The following PCDHB1 variants were observed in gnomAD, a reference collection of about 807,000 sequenced individuals.
The protein encoded by PCDHB1 is protocadherin beta 1, also known as protocadherin beta-1.
In PCDHB1, 44 loss-of-function variants were observed where a neutral mutation model predicts 43.5. That is an observed-to-expected ratio of 1.01 (90% CI 0.79 to 1.30). The LOEUF is 1.30. PCDHB1 is among the 50% of genes most tolerant of loss of function. The pLI is 0.00. For synonymous variants in PCDHB1, 392 were observed against 400.8 expected, an observed-to-expected ratio of 0.98 and a Z score of 0.26; for missense variants, 919 against 1,008.9, an observed-to-expected ratio of 0.91 and a Z score of 1.21.
At position 141,053,801 on chromosome 5, in the gene PCDHB1, CT is replaced by C. The variant is rs782300615; in HGVS notation, c.2333del (p.Phe778SerfsTer10). ...FRFLKRFMPN[F>X]PFPHATGEIK... ...GCTTTCTTAAGCGTTTTATGCCCAA[CT>C]TCCCTTTCCCTCATGCCACTGGGGA... is the stretch of plus-strand genomic sequence containing the variant. On this transcript the variant is annotated frameshift_variant, in exon 1 of 1. Coordinates refer to ENST00000306549, the MANE Select transcript of PCDHB1 (RefSeq NM_013340.4). LOFTEE classifies it high-confidence loss of function. 1 of 1,614,060 alleles carries C rather than the reference CT, an allele frequency of 6.2e-7. No individual in the cohort carries two copies. The highest frequency in any genetic ancestry group is 8.5e-7 in the Non-Finnish European group (1 of 1,180,020).
At position 141,051,623 on chromosome 5, in the gene PCDHB1, C is replaced by A; in HGVS notation, c.153C>A (p.Asp51Glu). ...CGTTTGTGGCCAACGTAGCTAAGGA[C>A]CTAGGACTGGAGGTAGGGAAGCTGG... Reference protein sequence around the residue: ...SGSFVANVAKDLGLEVGKLAA... With the variant: ...SGSFVANVAKELGLEVGKLAA... Residue 51 changes from aspartate to glutamate, a missense_variant, in exon 1 of 1, where the codon GAC becomes GAA. By Grantham distance (45) the Asp-to-Glu change is conservative. Transcript: ENST00000306549. 2 of 1,614,200 alleles carry A rather than the reference C, an allele frequency of 1.2e-6. No individual in the cohort carries two copies. Among genetic ancestry groups the A allele is most frequent in the Middle Eastern group, 1.6e-4 (1 of 6,062 alleles).
At position 141,053,561 on chromosome 5, in the gene PCDHB1, C is replaced by A; in HGVS notation, c.2091C>A (p.Ile697=). 1 of 1,614,098 alleles carries A rather than the reference C, an allele frequency of 6.2e-7. No homozygotes were observed. The highest frequency in any genetic ancestry group is 8.5e-7 in the Non-Finnish European group (1 of 1,179,982). Reference sequence around the variant, plus strand: ...AATATTTGGTCATTTCTCTGGTCATCCTTTCCTTTCTCTTTCTCCTCTCTG... The same window carrying A: ...AATATTTGGTCATTTCTCTGGTCATACTTTCCTTTCTCTTTCTCCTCTCTG... ...STKYLVISLV[I]LSFLFLLSVI... Residue 697 remains isoleucine (I), a synonymous_variant, in exon 1 of 1, where the codon ATC becomes ATA. Transcript: ENST00000306549.
Position 141,053,580 on chromosome 5 carries a change from C to G in PCDHB1, c.2110C>G (p.Leu704Val). The G allele has an allele frequency of 6.2e-7, 1 of 1,613,880 alleles. No homozygotes were observed. Among genetic ancestry groups the G allele is most frequent in the Non-Finnish European group, 8.5e-7 (1 of 1,179,808 alleles). The part of the protein sequence containing the change: ...SLVILSFLFL[L>V]SVIVIFIIHV... ...GGTCATCCTTTCCTTTCTCTTTCTC[C>G]TCTCTGTCATAGTGATCTTCATTAT... is the stretch of plus-strand genomic sequence containing the variant. Residue 704 changes from leucine (L) to valine (V), a missense_variant, in exon 1 of 1, where the codon CTC becomes GTC. Leu to Val is a conservative substitution (Grantham distance 32, BLOSUM62 1). Transcript: ENST00000306549.
rs1751011147 is a variant in PCDHB1, at chr5:141,052,488, G to A, written c.1018G>A (p.Val340Met). 1.2e-6 allele frequency: 2 copies of A among 1,614,194 alleles called. No individual in the cohort carries two copies. The highest frequency in any genetic ancestry group is 1.7e-6 in the Non-Finnish European group (2 of 1,180,024). ...HSKVLVEVVD[V>M]NDNPPEVMVS... The stretch of plus-strand genomic sequence containing the variant: ...CAAAGTCCTGGTAGAAGTGGTGGAT[G>A]TGAATGACAATCCTCCCGAAGTGAT... Residue 340 changes from valine to methionine, a missense_variant, in exon 1 of 1, where the codon GTG becomes ATG. Val to Met is a conservative substitution (Grantham distance 21, BLOSUM62 1). Transcript: ENST00000306549.
chr5:141,052,636 A>T lies in PCDHB1; in HGVS notation c.1166A>T (p.Asp389Val), dbSNP rs1554267279. Residue 389 changes from aspartate to valine, a missense_variant, in exon 1 of 1, where the codon GAC (aspartate) becomes GTC (valine). Physicochemically the swap from Asp to Val is radical, Grantham distance 152 (BLOSUM62 -3). Coordinates refer to ENST00000306549, the MANE Select transcript of PCDHB1 (RefSeq NM_013340.4). ...AAAGTCACCTGCTTCCTCAGAGAAG[A>T]CCTTCCCTTTGTAATCAAACCTACA... ...GGKVTCFLREDLPFVIKPTFG... is the reference protein window; with the variant it reads ...GGKVTCFLREVLPFVIKPTFG... 1.2e-6 allele frequency: 2 copies of T among 1,614,114 alleles called. No homozygotes were observed. The highest frequency in any genetic ancestry group is 3.3e-5 in the Admixed American group (2 of 60,016).
rs1205668406 is a variant in PCDHB1 at position 141,051,607 on chromosome 5, C to A, written c.137C>A (p.Ala46Asp). The change falls in exon 1 of 1, where the codon GCC (alanine) becomes GAC (aspartate). Residue 46 changes from alanine (A) to aspartate (D), a missense_variant. Ala to Asp is a moderately radical substitution (Grantham distance 126, BLOSUM62 -2). Transcript: ENST00000306549. Reference sequence around the variant, plus strand: ...GAAATGGAGAGCGGCTCGTTTGTGGCCAACGTAGCTAAGGACCTAGGACTG... The same window carrying A: ...GAAATGGAGAGCGGCTCGTTTGTGGACAACGTAGCTAAGGACCTAGGACTG... ...AEEMESGSFV[A>D]NVAKDLGLEV... The A allele has an allele frequency of 6.2e-7, 1 of 1,614,100 alleles. No homozygotes were observed. The highest frequency in any genetic ancestry group is 1.3e-5 in the African/African-American group (1 of 74,944).
In PCDHB1 at chr5:141,051,759, G is replaced by T; in HGVS notation, c.289G>T (p.Gly97Cys). 6.2e-7 allele frequency: 1 copy of T among 1,614,254 alleles called. No homozygotes were observed. The highest frequency in any genetic ancestry group is 8.5e-7 in the Non-Finnish European group (1 of 1,180,048). ...GAAACTGGATCGGGAGTCACTTTGTGGCAAAGCCGACCCTTGTGTTCTGCA... is the reference window on the plus strand; with the variant it reads ...GAAACTGGATCGGGAGTCACTTTGTTGCAAAGCCGACCCTTGTGTTCTGCA... ...KEKLDRESLC[G>C]KADPCVLHFE... Residue 97 changes from glycine (G) to cysteine (C), a missense_variant, in exon 1 of 1, where the codon GGC (glycine) becomes TGC (cysteine). Coordinates refer to ENST00000306549, the MANE Select transcript of PCDHB1 (RefSeq NM_013340.4).
Position 141,056,611 on chromosome 5 carries a change from A to G in PCDHB1, c.*2684A>G, listed in dbSNP as rs1554267844. ...AAGGAGATAGAATTTTTATTTATTTATTTATTTTTTGGAGACAAAGTCTTG... is the reference window on the plus strand; with the variant it reads ...AAGGAGATAGAATTTTTATTTATTTGTTTATTTTTTGGAGACAAAGTCTTG... On this transcript the variant is annotated 3_prime_UTR_variant, in exon 1 of 1. Transcript: ENST00000306549. 6.6e-6 allele frequency: 1 copy of G among 151,932 alleles called. No homozygotes were observed. Among genetic ancestry groups the G allele is most frequent in the African/African-American group, 2.4e-5 (1 of 41,354 alleles). The allele number at this position is 151,932 out of a possible 1,614,324, so 9.4% of individuals were successfully genotyped here. A position where few individuals can be genotyped will look rare whatever the true frequency, so the allele number is the denominator to read the frequency against.
rs1317931933 is a variant in PCDHB1, at chr5:141,055,558, T to C, written c.*1631T>C. ...TTATTGTAAACCATTTTGTAGTTTG[T>C]AGAGCAAATATAAAATAAAAAGACA... On this transcript the variant is annotated 3_prime_UTR_variant, in exon 1 of 1. Coordinates refer to ENST00000306549, the MANE Select transcript of PCDHB1 (RefSeq NM_013340.4). 1 of 152,260 alleles carries C rather than the reference T, an allele frequency of 6.6e-6. No individual in the cohort carries two copies. Among genetic ancestry groups the C allele is most frequent in the Non-Finnish European group, 1.5e-5 (1 of 68,040 alleles). 9.4% of individuals were successfully genotyped at this position (152,260 alleles called of 1,614,324 possible).
Position 141,052,953 on chromosome 5 carries a change from A to G in PCDHB1, c.1483A>G (p.Lys495Glu), listed in dbSNP as rs139444803. Residue 495 changes from lysine (K) to glutamate (E), a missense_variant, in exon 1 of 1, where the codon AAA (lysine) becomes GAA (glutamate). Transcript: ENST00000306549. ...AATAACATATTCTCTGTTGCCTCCA[A>G]AAAACGGAGATCTTTCAGTCTTTGC... is the stretch of plus-strand genomic sequence containing the variant. ...AQITYSLLPP[K>E]NGDLSVFAYI... The G allele has an allele frequency of 3.1e-4, 494 of 1,614,184 alleles. No homozygotes were observed. The highest frequency in any genetic ancestry group is 4.0e-4 in the Non-Finnish European group (475 of 1,180,022).
Position 141,052,437 on chromosome 5 carries a change from G to A in PCDHB1, c.967G>A (p.Asp323Asn), listed in dbSNP as rs781938927. ...ATACGACATTGACATTCAAGCTACAGATGGTGGAGGCCTCTCTGCCCACAG... is the reference window on the plus strand; with the variant it reads ...ATACGACATTGACATTCAAGCTACAAATGGTGGAGGCCTCTCTGCCCACAG... ...ETYDIDIQAT[D>N]GGGLSAHSKV... The change falls in exon 1 of 1, where the codon GAT (aspartate) becomes AAT (asparagine). Residue 323 changes from aspartate (D) to asparagine (N), a missense_variant. Asp to Asn is a conservative substitution (Grantham distance 23). Transcript: ENST00000306549. 1.5e-5 allele frequency: 25 copies of A among 1,614,122 alleles called. No individual in the cohort carries two copies. In the South Asian group the frequency reaches 2.2e-4, roughly 14 times the overall value.
chr5:141,053,922 A>T lies in PCDHB1; in HGVS notation c.2452A>T (p.Met818Leu). 1 of 1,606,254 alleles carries T rather than the reference A, an allele frequency of 6.2e-7. No individual in the cohort carries two copies. Among genetic ancestry groups the T allele is most frequent in the Non-Finnish European group, 8.5e-7 (1 of 1,175,164 alleles). ...CCATGACCAGGTATCTGATGACTAT[A>T]TGTAGCTCCTATTTACAGGCTCAGT... ...EGHDQVSDDYM is the reference protein window; with the variant it reads ...EGHDQVSDDYL Residue 818 changes from methionine (M) to leucine (L), a missense_variant, in exon 1 of 1, where the codon ATG becomes TTG. Physicochemically the swap from Met to Leu is conservative, Grantham distance 15. Coordinates refer to ENST00000306549, the MANE Select transcript of PCDHB1 (RefSeq NM_013340.4).
rs1204807302 is a variant in PCDHB1 at position 141,058,140 on chromosome 5, A to G, written c.*4213A>G. On this transcript the variant is annotated 3_prime_UTR_variant, in exon 1 of 1. Transcript: ENST00000306549. Reference sequence around the variant, plus strand: ...AAATTAACCTTGGTATAATTCTATGAAGTAAACTACAGATCTTATTCAAAT... The same window carrying G: ...AAATTAACCTTGGTATAATTCTATGGAGTAAACTACAGATCTTATTCAAAT... 1 of 152,216 alleles carries G rather than the reference A, an allele frequency of 6.6e-6. No individual in the cohort carries two copies. The highest frequency in any genetic ancestry group is 1.5e-5 in the Non-Finnish European group (1 of 68,038). 9.4% of individuals were successfully genotyped at this position (152,216 alleles called of 1,614,324 possible). A position where few individuals can be genotyped will look rare whatever the true frequency, so the allele number is the denominator to read the frequency against.
In PCDHB1 at chr5:141,051,426, C is replaced by T; in HGVS notation, c.-45C>T. The T allele has an allele frequency of 1.3e-6, 2 of 1,596,318 alleles. No homozygotes were observed. The highest frequency in any genetic ancestry group is 1.1e-5 in the South Asian group (1 of 89,306). ...TGTTGCAGAAAAGTGAAAGTATATC[C>T]GCAACAGTTGGCTCTGATTGCAGAG... On this transcript the variant is annotated 5_prime_UTR_variant, in exon 1 of 1. Transcript: ENST00000306549.
At position 141,054,899 on chromosome 5, in the gene PCDHB1, T is replaced by C. The variant is rs1751097291; in HGVS notation, c.*972T>C. On this transcript the variant is annotated 3_prime_UTR_variant, in exon 1 of 1. Transcript: ENST00000306549. Reference sequence around the variant, plus strand: ...TTAGTAGAGACGGGGTTTCACCATGTTGGCCAGGCTGGTCATGAACTTCTG... The same window carrying C: ...TTAGTAGAGACGGGGTTTCACCATGCTGGCCAGGCTGGTCATGAACTTCTG... The C allele has an allele frequency of 6.6e-6, 1 of 152,136 alleles. No individual in the cohort carries two copies. Among genetic ancestry groups the C allele is most frequent in the African/African-American group, 2.4e-5 (1 of 41,368 alleles). 9.4% of individuals were successfully genotyped at this position (152,136 alleles called of 1,614,324 possible). A position where few individuals can be genotyped will look rare whatever the true frequency, so the allele number is the denominator to read the frequency against.
In PCDHB1 at chr5:141,053,788, G is replaced by A. The variant is rs201121650; in HGVS notation, c.2318G>A (p.Arg773His). 4.5e-5 allele frequency: 72 copies of A among 1,614,024 alleles called. No homozygotes were observed. In the Middle Eastern group the frequency reaches 4.9e-4, roughly 11 times the overall value. Residue 773 changes from arginine (R) to histidine (H), a missense_variant, in exon 1 of 1, where the codon CGT becomes CAT. Physicochemically the swap from Arg to His is conservative, Grantham distance 29. Transcript: ENST00000306549. The part of the protein sequence containing the change: ...TGNSEFRFLK[R>H]FMPNFPFPHA... ...AATAGTGAGTTTCGCTTTCTTAAGC[G>A]TTTTATGCCCAACTTCCCTTTCCCT...
Position 141,052,274 on chromosome 5 carries a change from C to T in PCDHB1, c.804C>T (p.Asp268=). The change falls in exon 1 of 1, where the codon GAC becomes GAT. Residue 268 remains aspartate (D), a synonymous_variant. Coordinates refer to ENST00000306549, the MANE Select transcript of PCDHB1 (RefSeq NM_013340.4). ...GSLVATVTAV[D]LDEGTNKAIT... is the part of the protein sequence containing the mutation. The stretch of plus-strand genomic sequence containing the variant: ...TGGTGGCCACGGTGACTGCCGTGGA[C>T]CTAGACGAGGGCACCAACAAAGCGA... The T allele has an allele frequency of 2.5e-6, 4 of 1,614,152 alleles. No homozygotes were observed. Among genetic ancestry groups the T allele is most frequent in the East Asian group, 2.2e-5 (1 of 44,862 alleles).
chr5:141,053,955 G>C lies in PCDHB1; in HGVS notation c.*28G>C. The C allele has an allele frequency of 6.4e-7, 1 of 1,565,264 alleles. No individual in the cohort carries two copies. Among genetic ancestry groups the C allele is most frequent in the Non-Finnish European group, 8.7e-7 (1 of 1,156,012 alleles). Reference sequence around the variant, plus strand: ...CCTATTTACAGGCTCAGTGAGAGAAGAGAAGCAAAATTTTATACTTGGTAT... The same window carrying C: ...CCTATTTACAGGCTCAGTGAGAGAACAGAAGCAAAATTTTATACTTGGTAT... On this transcript the variant is annotated 3_prime_UTR_variant, in exon 1 of 1. Coordinates refer to ENST00000306549, the MANE Select transcript of PCDHB1 (RefSeq NM_013340.4).
rs924398578 is a variant in PCDHB1, at chr5:141,051,768, G to T, written c.298G>T (p.Asp100Tyr). ...TCGGGAGTCACTTTGTGGCAAAGCC[G>T]ACCCTTGTGTTCTGCACTTTGAAGT... Reference protein sequence around the residue: ...LDRESLCGKADPCVLHFEVVL... With the variant: ...LDRESLCGKAYPCVLHFEVVL... Residue 100 changes from aspartate (D) to tyrosine (Y), a missense_variant, in exon 1 of 1, where the codon GAC becomes TAC. Physicochemically the swap from Asp to Tyr is radical, Grantham distance 160 (BLOSUM62 -3). Coordinates refer to ENST00000306549, the MANE Select transcript of PCDHB1 (RefSeq NM_013340.4). 6.2e-7 allele frequency: 1 copy of T among 1,614,224 alleles called. No individual in the cohort carries two copies. Among genetic ancestry groups the T allele is most frequent in the Admixed American group, 1.7e-5 (1 of 60,028 alleles).
Sources: allele counts gnomAD v4.1 joint callset, GRCh38; gene constraint gnomAD v4.1.1; transcripts MANE v1.5; gene names NCBI Gene and HGNC (gene_info 2026-07-23, HGNC 2026-07-21).